Variants in UNC5C observed in about 807,000 individuals in gnomAD.
UNC5C encodes unc-5 netrin receptor C.
A neutral mutation model predicts 99.8 loss-of-function variants in UNC5C; 47 were observed. The observed-to-expected ratio is 0.47, with a 90% CI of 0.37 to 0.60. UNC5C has a LOEUF of 0.60. UNC5C is among the 20% of genes least tolerant of loss of function. The pLI, the probability that UNC5C is intolerant of heterozygous loss-of-function variation, is 0.00. For synonymous variants in UNC5C, 487 were observed against 452.2 expected, an observed-to-expected ratio of 1.08 and a Z score of -0.98; for missense variants, 1,062 against 1,165.9, an observed-to-expected ratio of 0.91 and a Z score of 1.30.
intron 1 of UNC5C, among the ~76,000 whole-genome samples, chr4:95,511,803 A>G (rs1289234132): frequency 3.3e-5 from 5 of 152,168 alleles, no homozygotes; most frequent in Non-Finnish European, 7.3e-5. Context: ...GGAAAAAAAA[A>G]TCAATACAAA....
chr4:95,266,471 ATATGG>A (rs1178334149), intron 4 of UNC5C, among the ~76,000 whole-genome samples: 1 of 152,244 alleles, frequency 6.6e-6, no homozygotes, highest in Non-Finnish European at 1.5e-5. Context: ...TATTGACAGT[ATATGG>A]TATGTTCCCA....
intron 13 of UNC5C, 136 bp downstream of exon 13, chr4:95,184,911 T>A: frequency 9.7e-7 from 1 of 1,029,868 alleles, no homozygotes; most frequent in South Asian, 3.6e-5. Context: ...AAATCCTAAA[T>A]AACCCCAAAC....
rs1198848015 is a variant in UNC5C, at chr4:95,170,235, T to A, written c.2549A>T (p.Gln850Leu). 1 of 1,614,010 alleles carries A rather than the reference T, an allele frequency of 6.2e-7. No homozygotes were observed. Among genetic ancestry groups the A allele is most frequent in the Non-Finnish European group, 8.5e-7 (1 of 1,180,018 alleles). ...SAFSIPLPIR[Q>L]KLCSSLDAPQ... ...GGCATCCAGGCTGCTACAGAGCTTCTGCCGGATAGGGAGAGGGATGCTGAA... is the reference window on the plus strand; with the variant it reads ...GGCATCCAGGCTGCTACAGAGCTTCAGCCGGATAGGGAGAGGGATGCTGAA... Residue 850 changes from glutamine to leucine, a missense_variant, in exon 15 of 16, where the codon CAG (glutamine) becomes CTG (leucine). Gln to Leu is a moderately radical substitution (Grantham distance 113). Coordinates refer to ENST00000453304, the MANE Select transcript of UNC5C (RefSeq NM_003728.4).
Position 95,335,486 on chromosome 4 carries a change from C to A in UNC5C, c.270G>T (p.Gln90His). 2 of 1,612,446 alleles carry A rather than the reference C, an allele frequency of 1.2e-6. No individual in the cohort carries two copies. The highest frequency in any genetic ancestry group is 1.7e-6 in the Non-Finnish European group (2 of 1,178,956). Reference protein sequence around the residue: ...NLYCKASPATQIYFKCNSEWV... With the variant: ...NLYCKASPATHIYFKCNSEWV... ...ATTCACTATTACACTTGAAATAGATCTGGGTGGCAGGGCTTGCTTTACAGT... is the reference window on the plus strand; with the variant it reads ...ATTCACTATTACACTTGAAATAGATATGGGTGGCAGGGCTTGCTTTACAGT... Residue 90 changes from glutamine to histidine, a missense_variant, in exon 2 of 16, where the codon CAG (glutamine) becomes CAT (histidine). Physicochemically the swap from Gln to His is conservative, Grantham distance 24 (BLOSUM62 0). This residue lies in a region of UNC5C where 249 missense variants were observed against 295.1 expected (regional missense o/e 0.84). Transcript: ENST00000453304.
intron 7 of UNC5C, among the ~76,000 whole-genome samples, chr4:95,221,972 G>T (rs1280458112): frequency 6.6e-6 from 1 of 152,042 alleles, no homozygotes; most frequent in East Asian, 1.9e-4. Context: ...GATATGTTTT[G>T]TCAGCTACTG....
chr4:95,542,387 C>G (rs181515275), intron 1 of UNC5C, among the ~76,000 whole-genome samples: 1 of 152,272 alleles, frequency 6.6e-6, no homozygotes, highest in African/African-American at 2.4e-5. Flanking sequence ...TGAATCACTG[C>G]TCATTGCTAA....
chr4:95,425,978 T>G (rs1038042654), intron 1 of UNC5C, among the ~76,000 whole-genome samples: 3 of 152,204 alleles, frequency 2.0e-5, no homozygotes, highest in African/African-American at 4.8e-5. Flanking sequence ...ATTTTTTCAT[T>G]CGGTATCATC....
intron 1 of UNC5C, among the ~76,000 whole-genome samples, chr4:95,473,360 G>A (rs1748033912): frequency 2.0e-5 from 3 of 152,056 alleles, no homozygotes; most frequent in Admixed American, 2.0e-4. Context: ...ATCTGTGAAT[G>A]GAAAGCTTAA....
chr4:95,361,967 T>TATATATATATATATATATATA lies in UNC5C; in HGVS notation c.125-26337_125-26336insTATATATATATATATATATAT, dbSNP rs1560804478. ...TAAAAAACAGATTATCTATTATCTA[T>TATATATATATATATATATATA]TATATATATATATATCTTACTTCTA... On this transcript the variant is annotated intron_variant, in intron 1 of 15. Coordinates refer to ENST00000453304, the MANE Select transcript of UNC5C (RefSeq NM_003728.4). Among the ~76,000 whole-genome samples the TATATATATATATATATATATA allele has an allele frequency of 6.7e-5, 10 of 149,664 alleles. No homozygotes were observed. The South Asian group carries it at 1.9e-3, about 29-fold the overall frequency.
intron 12 of UNC5C, among the ~76,000 whole-genome samples, chr4:95,185,909 T>C (rs1374591631): frequency 6.6e-6 from 1 of 152,200 alleles, no homozygotes; most frequent in East Asian, 1.9e-4. Flanking sequence ...TTCAAAAGAA[T>C]ATTTTTGTTT....
At chr4:95,490,403 TTTAA>T (rs1267140144) in intron 1 of UNC5C, among the ~76,000 whole-genome samples, 2 of 151,824 alleles carry the variant, frequency 1.3e-5, no homozygotes, top group African/African-American at 2.4e-5. Context: ...ATTGTGAACT[TTTAA>T]TTAATATATA....
intron 1 of UNC5C, among the ~76,000 whole-genome samples, chr4:95,532,632 A>T (rs1030820459): frequency 1.3e-5 from 2 of 152,122 alleles, no homozygotes; most frequent in Non-Finnish European, 2.9e-5. Flanking sequence ...AGGGGTGAAG[A>T]TCTAAACTAG....
At chr4:95,360,982 G>A (rs1279230961) in intron 1 of UNC5C, among the ~76,000 whole-genome samples, 2 of 152,170 alleles carry the variant, frequency 1.3e-5, no homozygotes, top group Non-Finnish European at 2.9e-5. Flanking sequence ...CATCCTTTCT[G>A]TCTTCCACTT....
At chr4:95,432,706 T>G (rs533209622) in intron 1 of UNC5C, among the ~76,000 whole-genome samples, 1 of 152,130 alleles carries the variant, frequency 6.6e-6, no homozygotes, top group Non-Finnish European at 1.5e-5. Context: ...AAAGAAACTC[T>G]GTCTTCTGAC....
chr4:95,367,714 T>C lies in UNC5C; in HGVS notation c.125-32083A>G, dbSNP rs371085701. 3.9e-5 allele frequency among the ~76,000 whole-genome samples: 6 copies of C among 152,310 alleles called. No individual in the cohort carries two copies. In the East Asian group the frequency reaches 9.6e-4, roughly 24 times the overall value. On this transcript the variant is annotated intron_variant, in intron 1 of 15. Transcript: ENST00000453304. ...TATTTATCCTAATAATATTAACTTATCTTTCTTTACTCTGATGTTTAAACT... is the reference window on the plus strand; with the variant it reads ...TATTTATCCTAATAATATTAACTTACCTTTCTTTACTCTGATGTTTAAACT...
At chr4:95,232,751 A>C (rs1209746029) in intron 7 of UNC5C, among the ~76,000 whole-genome samples, 1 of 152,216 alleles carries the variant, frequency 6.6e-6, no homozygotes, top group Non-Finnish European at 1.5e-5. Context: ...AGAAAGGAAA[A>C]CAAAAGCAAA....
chr4:95,252,747 C>A (rs1739793174), intron 4 of UNC5C, among the ~76,000 whole-genome samples: 1 of 152,160 alleles, frequency 6.6e-6, no homozygotes, highest in Non-Finnish European at 1.5e-5. Flanking sequence ...GACCTCATGA[C>A]CGGTTGCAGT....
chr4:95,396,080 G>A lies in UNC5C; in HGVS notation c.125-60449C>T, dbSNP rs529701169. On this transcript the variant is annotated intron_variant, in intron 1 of 15. Coordinates refer to ENST00000453304, the MANE Select transcript of UNC5C (RefSeq NM_003728.4). ...CTATCATTAACAGATAACCAATAAC[G>A]AGGGCAAAGGTTTCAACCTAGAATA... 8.5e-5 allele frequency among the ~76,000 whole-genome samples: 13 copies of A among 152,278 alleles called. No individual in the cohort carries two copies. The East Asian group carries it at 2.3e-3, about 27-fold the overall frequency.
At chr4:95,457,873 G>T (rs1010732616) in intron 1 of UNC5C, among the ~76,000 whole-genome samples, 1 of 152,056 alleles carries the variant, frequency 6.6e-6, no homozygotes, top group Non-Finnish European at 1.5e-5. Context: ...TCTGAACGTC[G>T]GATGAGATGG....
Sources: allele counts gnomAD v4.1 joint callset (sites outside exome capture counted in the v4.1 genomes callset), GRCh38; gene constraint gnomAD v4.1.1; regional missense constraint gnomAD v4.1.1; transcripts MANE v1.5; gene names NCBI Gene and HGNC (gene_info 2026-07-23, HGNC 2026-07-21).